TLK1: variants seen among roughly 807,000 people sequenced by gnomAD.
TLK1 encodes serine/threonine-protein kinase tousled-like 1.
Under a neutral mutation model 105.3 loss-of-function variants are expected in TLK1, and 24 were observed. The observed-to-expected ratio is 0.23, with a 90% CI of 0.17 to 0.32. The LOEUF is 0.32. TLK1 is among the 10% of genes least tolerant of loss of function. TLK1 has a pLI of 1.00. For synonymous variants in TLK1, 321 were observed against 310.4 expected, an observed-to-expected ratio of 1.03 and a Z score of -0.36; for missense variants, 558 against 910.5, an observed-to-expected ratio of 0.61 and a Z score of 4.98.
At chr2:171,048,930 C>A (rs1687091687) in intron 10 of TLK1, among the ~76,000 whole-genome samples, 2 of 152,334 alleles carry the variant, frequency 1.3e-5, no homozygotes, top group Middle Eastern at 3.4e-3. Flanking sequence ...CACTCCTTAA[C>A]ACATAAACAG....
intron 1 of TLK1, among the ~76,000 whole-genome samples, chr2:171,169,700 G>A (rs1416602723): frequency 2.6e-5 from 4 of 151,724 alleles, no homozygotes; most frequent in African/African-American, 9.7e-5. Context: ...GTACTTTATG[G>A]GGAAAAAAAA....
intron 1 of TLK1, among the ~76,000 whole-genome samples, chr2:171,202,481 C>T (rs917575784): frequency 2.7e-5 from 4 of 149,752 alleles, no homozygotes; most frequent in African/African-American, 9.9e-5. Flanking sequence ...CCCTGCCAGG[C>T]GCAGCAGTGG....
intron 1 of TLK1, among the ~76,000 whole-genome samples, chr2:171,148,911 ATGTG>A (rs58338054): frequency 1.5e-5 from 2 of 134,240 alleles, no homozygotes; most frequent in South Asian, 2.4e-4. Flanking sequence ...ATATATATAT[ATGTG>A]TGTGTGTGTG....
At chr2:171,149,928 G>T (rs1234934266) in intron 1 of TLK1, among the ~76,000 whole-genome samples, 1 of 151,630 alleles carries the variant, frequency 6.6e-6, no homozygotes, top group African/African-American at 2.4e-5. Flanking sequence ...AAAAGAAAAA[G>T]AAAGAAAGAA....
At chr2:171,079,572 G>C (rs1320209421) in intron 3 of TLK1, among the ~76,000 whole-genome samples, 1 of 152,156 alleles carries the variant, frequency 6.6e-6, no homozygotes, top group East Asian at 1.9e-4. Context: ...GAATGGACCA[G>C]GAGTGATGTA....
chr2:171,011,701 T>C (rs1260665132), intron 13 of TLK1, among the ~76,000 whole-genome samples: 5 of 152,212 alleles, frequency 3.3e-5, no homozygotes, highest in East Asian at 1.9e-4. Context: ...TGACCAATTA[T>C]AGCACTCTCA....
chr2:171,055,833 G>A (rs1264438759), intron 6 of TLK1, among the ~76,000 whole-genome samples: 1 of 151,980 alleles, frequency 6.6e-6, no homozygotes, highest in Non-Finnish European at 1.5e-5. Context: ...ATAAATAAGT[G>A]AAACTCTGAT....
At chr2:171,215,222 T>C (rs538481989) in intron 1 of TLK1, among the ~76,000 whole-genome samples, 9 of 152,362 alleles carry the variant, frequency 5.9e-5, no homozygotes, top group Admixed American at 3.3e-4. Flanking sequence ...ATTACAGGCG[T>C]GAGCCGCCGT....
At chr2:171,023,414 TACAC>T (rs140384482) in intron 12 of TLK1, among the ~76,000 whole-genome samples, 71 of 147,618 alleles carry the variant, frequency 4.8e-4, no homozygotes, top group Admixed American at 2.7e-3. Context: ...CACTCACACA[TACAC>T]ACACACACAC....
chr2:171,010,679 T>C (rs1156370789), intron 14 of TLK1, among the ~76,000 whole-genome samples: 2 of 150,884 alleles, frequency 1.3e-5, no homozygotes, highest in Non-Finnish European at 2.9e-5. Flanking sequence ...GTAAAAATGC[T>C]ACATTTATAC....
In TLK1 at chr2:171,094,744, G is replaced by C. The variant is rs755844688; in HGVS notation, c.259-11892C>G. Among the ~76,000 whole-genome samples the C allele has an allele frequency of 5.9e-4, 90 of 152,210 alleles. 1 individual carries two copies. In the Middle Eastern group the frequency reaches 0.031, roughly 52 times the overall value. ...CTGCCTCAGCCTCCCGAGTAGCTGC[G>C]ATTACAGGCATGCGCCACCATGCCT... On this transcript the variant is annotated intron_variant, in intron 2 of 20. Transcript: ENST00000431350.
chr2:171,121,455 C>G (rs900711050), intron 1 of TLK1, among the ~76,000 whole-genome samples: 4 of 152,112 alleles, frequency 2.6e-5, no homozygotes, highest in African/African-American at 9.7e-5. Context: ...TGCTTGAGCC[C>G]AGGAGGTCGA....
chr2:171,230,782 C>G (rs904733933), intron 1 of TLK1, among the ~76,000 whole-genome samples: 4 of 152,146 alleles, frequency 2.6e-5, no homozygotes, highest in Admixed American at 2.6e-4. Context: ...GATGTCAGAA[C>G]TTTTGAACAT....
At chr2:171,046,088 G>C in intron 11 of TLK1, 86 bp downstream of exon 11, 2 of 1,203,644 alleles carry the variant, frequency 1.7e-6, no homozygotes, top group Non-Finnish European at 2.2e-6. Flanking sequence ...TGCTATCTAA[G>C]TATTAATTAT....
At chr2:171,150,135 C>T (rs1045511248) in intron 1 of TLK1, among the ~76,000 whole-genome samples, 1 of 151,996 alleles carries the variant, frequency 6.6e-6, no homozygotes, top group Non-Finnish European at 1.5e-5. Flanking sequence ...TGAGTTGAAC[C>T]CTACCTGGTT....
At position 171,101,366 on chromosome 2, in the gene TLK1, G is replaced by A. The variant is rs1255207458; in HGVS notation, c.258+16373C>T. Among the ~76,000 whole-genome samples, 104 of 80,140 alleles carry A rather than the reference G, an allele frequency of 1.3e-3. 1 individual carries two copies. Among genetic ancestry groups the A allele is most frequent in the African/African-American group, 3.1e-3 (49 of 15,564 alleles). The allele number at this position is 80,140 out of a possible 152,430, so 52.6% of individuals were successfully genotyped here. On this transcript the variant is annotated intron_variant, in intron 2 of 20. Transcript: ENST00000431350. ...CGTCTCAAAAAAAAAAAAAAAAAAA[G>A]CCAGGCACAAAATAACTCATATTGT...
intron 18 of TLK1, among the ~76,000 whole-genome samples, chr2:170,999,886 T>G (rs539880688): frequency 4.6e-5 from 7 of 151,936 alleles, no homozygotes; most frequent in Non-Finnish European, 1.0e-4. Context: ...AGCCTCCCAA[T>G]TAGCTGGGAC....
intron 1 of TLK1, among the ~76,000 whole-genome samples, chr2:171,147,797 G>A (rs1328850431): frequency 1.3e-5 from 2 of 152,110 alleles, no homozygotes; most frequent in Admixed American, 1.3e-4. Flanking sequence ...TGTGGCTTTA[G>A]AATTGATCAC....
chr2:171,000,589 GT>G (rs1684316725), intron 18 of TLK1, among the ~76,000 whole-genome samples: 1 of 152,008 alleles, frequency 6.6e-6, no homozygotes, highest in Admixed American at 6.6e-5. Context: ...TATGACAAAA[GT>G]TTTCATCCTT....
Sources: allele counts gnomAD v4.1 joint callset (sites outside exome capture counted in the v4.1 genomes callset), GRCh38; gene constraint gnomAD v4.1.1; transcripts MANE v1.5; gene names NCBI Gene and HGNC (gene_info 2026-07-23, HGNC 2026-07-21).